Variants in SOX5 observed in about 807,000 individuals in gnomAD.
SOX5 encodes the protein transcription factor SOX-5.
In SOX5, 9 loss-of-function variants were observed where a neutral mutation model predicts 92.0. The observed-to-expected ratio is 0.10, with a 90% CI of 0.06 to 0.17. The LOEUF (loss-of-function observed/expected upper bound fraction) is 0.17. SOX5 is among the 10% of genes least tolerant of loss of function. The pLI, the probability that SOX5 is intolerant of heterozygous loss-of-function variation, is 1.00. For synonymous variants in SOX5, 344 were observed against 336.3 expected, an observed-to-expected ratio of 1.02 and a Z score of -0.25; for missense variants, 642 against 944.5, an observed-to-expected ratio of 0.68 and a Z score of 4.20.
intron 4 of SOX5, among the ~76,000 whole-genome samples, chr12:23,965,489 A>C (rs1415989230): frequency 1.3e-5 from 2 of 152,290 alleles, no homozygotes; most frequent in East Asian, 3.9e-4. Flanking sequence ...CTTCCTGCAC[A>C]AATTGTGGAC....
At chr12:24,288,101 C>T (rs1177671256) in intron 2 of SOX5, among the ~76,000 whole-genome samples, 1 of 152,196 alleles carries the variant, frequency 6.6e-6, no homozygotes, top group Non-Finnish European at 1.5e-5. Flanking sequence ...GGGATTAGCA[C>T]AGTGCTTCAC....
chr12:23,820,507 G>A (rs2096086929), intron 3 of SOX5, among the ~76,000 whole-genome samples: 1 of 152,182 alleles, frequency 6.6e-6, no homozygotes, highest in African/African-American at 2.4e-5. Flanking sequence ...CCATGCCTAT[G>A]TCCTGAATTG....
intron 3 of SOX5, among the ~76,000 whole-genome samples, chr12:23,807,037 T>C (rs1387922114): frequency 6.6e-6 from 1 of 152,222 alleles, no homozygotes; most frequent in Non-Finnish European, 1.5e-5. Flanking sequence ...AATTTCCCAG[T>C]TAAAAGTCCA....
At chr12:23,789,389 G>A (rs1466711657) in intron 3 of SOX5, among the ~76,000 whole-genome samples, 4 of 152,152 alleles carry the variant, frequency 2.6e-5, no homozygotes, top group African/African-American at 7.2e-5. Flanking sequence ...AACCTTTTAA[G>A]TGAGAGAATG....
intron 4 of SOX5, among the ~76,000 whole-genome samples, chr12:24,174,456 C>T (rs1334588314): frequency 6.6e-6 from 1 of 152,102 alleles, no homozygotes; most frequent in Non-Finnish European, 1.5e-5. Context: ...TCTGGGAGAA[C>T]TCAGTGAGAC....
At chr12:24,090,850 C>T (rs185538011) in intron 4 of SOX5, among the ~76,000 whole-genome samples, 1 of 152,270 alleles carries the variant, frequency 6.6e-6, no homozygotes, top group East Asian at 1.9e-4. Flanking sequence ...AACTGGAGCT[C>T]AGAGTGCTTG....
At chr12:23,643,630 G>A (rs987193982) in intron 7 of SOX5, among the ~76,000 whole-genome samples, 2 of 152,182 alleles carry the variant, frequency 1.3e-5, no homozygotes, top group African/African-American at 2.4e-5. Flanking sequence ...TAGGTAACTA[G>A]CAGAAGAGAC....
chr12:23,839,750 T>A (rs1215297808), intron 3 of SOX5, among the ~76,000 whole-genome samples: 2 of 150,602 alleles, frequency 1.3e-5, no homozygotes, highest in African/African-American at 4.9e-5. Flanking sequence ...TGCAGAAAAA[T>A]ATTTGACAAA....
chr12:23,824,868 G>T (rs1386414199), intron 3 of SOX5, among the ~76,000 whole-genome samples: 1 of 152,306 alleles, frequency 6.6e-6, no homozygotes, highest in Middle Eastern at 3.4e-3. Context: ...TGAATTTTCC[G>T]GCAGCTTTGT....
At chr12:24,027,520 C>T (rs1955011954) in intron 4 of SOX5, among the ~76,000 whole-genome samples, 1 of 151,950 alleles carries the variant, frequency 6.6e-6, no homozygotes, top group African/African-American at 2.4e-5. Flanking sequence ...TGTCTCTTAA[C>T]TCTGATGCCA....
intron 4 of SOX5, among the ~76,000 whole-genome samples, chr12:24,194,432 TGTAGGTAGGTAGGTAGGTAGGTAGAG>T (rs1956822427): frequency 8.1e-5 from 8 of 99,234 alleles, no homozygotes; most frequent in South Asian, 2.9e-4. Context: ...TAGGTAGGTA[TGTAGGTAGGTAGGTAGGTAGGTAGAG>T]AGATATGTGT....
At chr12:24,343,918 T>G (rs1952876954) in intron 2 of SOX5, among the ~76,000 whole-genome samples, 1 of 152,180 alleles carries the variant, frequency 6.6e-6, no homozygotes, top group African/African-American at 2.4e-5. Flanking sequence ...AAAATCTTAG[T>G]ACTACTTTAT....
intron 4 of SOX5, among the ~76,000 whole-genome samples, chr12:24,192,679 A>G (rs745497415): frequency 1.3e-5 from 2 of 152,238 alleles, no homozygotes; most frequent in Non-Finnish European, 2.9e-5. Context: ...AGAAAAGACA[A>G]TTAACATGGA....
chr12:23,648,719 C>A (rs891673657), intron 7 of SOX5, among the ~76,000 whole-genome samples: 1 of 152,220 alleles, frequency 6.6e-6, no homozygotes, highest in African/African-American at 2.4e-5. Flanking sequence ...AAATAAGTTT[C>A]TGTTGTGCAA....
rs1025953377 is a variant in SOX5 at position 24,031,198 on chromosome 12, G to GTT, written c.-1-135176_-1-135175dup. Among the ~76,000 whole-genome samples, 27 of 71,128 alleles carry GTT rather than the reference G, an allele frequency of 3.8e-4. 1 individual carries two copies. The highest frequency in any genetic ancestry group is 3.3e-3 in the East Asian group (8 of 2,460). 46.7% of individuals were successfully genotyped at this position (71,128 alleles called of 152,430 possible). A position where few individuals can be genotyped will look rare whatever the true frequency, so the allele number is the denominator to read the frequency against. ...ATATGATCCAGCAATCCTGCTACTA[G>GTT]TTATATATATATATATACACAAAGG... On this transcript the variant is annotated intron_variant, in intron 4 of 4. Coordinates refer to the SOX5 transcript ENST00000446891.
chr12:23,818,886 G>T lies in SOX5; in HGVS notation c.481+27097C>A, dbSNP rs374204615. Reference sequence around the variant, plus strand: ...GCCAGAATCTTCAATACCACCATCTGCCACCTCAGCATCTTATCTCACTGG... The same window carrying T: ...GCCAGAATCTTCAATACCACCATCTTCCACCTCAGCATCTTATCTCACTGG... On this transcript the variant is annotated intron_variant, in intron 3 of 14. Coordinates refer to ENST00000451604, the MANE Select transcript of SOX5 (RefSeq NM_006940.6). Among the ~76,000 whole-genome samples the T allele has an allele frequency of 1.3e-4, 20 of 152,134 alleles. No individual in the cohort carries two copies. In the East Asian group the frequency reaches 3.7e-3, roughly 28 times the overall value.
chr12:23,819,334 G>A (rs1047974304), intron 3 of SOX5, among the ~76,000 whole-genome samples: 6 of 152,146 alleles, frequency 3.9e-5, no homozygotes, highest in African/African-American at 9.7e-5. Flanking sequence ...TGTGGCACTT[G>A]ACTGTACTTT....
chr12:23,534,668 T>A, intron 14 of SOX5, 146 bp from the exon 15 acceptor site: 1 of 619,874 alleles, frequency 1.6e-6, no homozygotes, highest in Non-Finnish European at 2.8e-6. Context: ...AACTCCATCC[T>A]ACTTGAACTT....
chr12:24,413,547 T>C (rs1247871588), intron 1 of SOX5, among the ~76,000 whole-genome samples: 1 of 152,242 alleles, frequency 6.6e-6, no homozygotes, highest in Non-Finnish European at 1.5e-5. Context: ...TTATCTAAAG[T>C]GTGTCAACAG....
Sources: gnomAD v4.1 joint callset for allele counts (sites outside exome capture counted in the v4.1 genomes callset) on GRCh38, gnomAD v4.1.1 for gene constraint, MANE v1.5 for transcripts, NCBI Gene and HGNC (gene_info 2026-07-23, HGNC 2026-07-21) for gene names.